PTPRD: variants seen among roughly 807,000 people sequenced by gnomAD.
PTPRD encodes protein tyrosine phosphatase receptor type D, also known as receptor-type tyrosine-protein phosphatase delta.
In PTPRD, 34 loss-of-function variants were observed where a neutral mutation model predicts 214.5. That is an observed-to-expected ratio of 0.16 (90% CI 0.12 to 0.21). The LOEUF (loss-of-function observed/expected upper bound fraction) is 0.21, where lower values mean the gene tolerates loss of function less well. Ranked by LOEUF, PTPRD falls within the 10% of genes least tolerant of loss-of-function variation. PTPRD has a pLI of 1.00. For synonymous variants in PTPRD, 1,128 were observed against 845.7 expected, an observed-to-expected ratio of 1.33 and a Z score of -5.79; for missense variants, 2,545 against 2,398.7, an observed-to-expected ratio of 1.06 and a Z score of -1.27.
intron 3 of PTPRD, among the ~76,000 whole-genome samples, chr9:10,292,032 C>T (rs2095541720): frequency 6.6e-6 from 1 of 151,904 alleles, no homozygotes. Flanking sequence ...AGAGTAAGCT[C>T]TCCATTATTT....
chr9:10,247,772 T>C (rs1395878710), intron 3 of PTPRD, among the ~76,000 whole-genome samples: 1 of 152,042 alleles, frequency 6.6e-6, no homozygotes, highest in African/African-American at 2.4e-5. Context: ...ATAAGAGGAT[T>C]ATGTCCCTGA....
chr9:8,990,162 C>T (rs566673975), intron 11 of PTPRD, among the ~76,000 whole-genome samples: 12 of 152,036 alleles, frequency 7.9e-5, no homozygotes, highest in Non-Finnish European at 1.2e-4. Context: ...ACTAAGAGTA[C>T]AAGTTTACAT....
chr9:10,077,528 T>C (rs2098152459), intron 3 of PTPRD, among the ~76,000 whole-genome samples: 3 of 152,178 alleles, frequency 2.0e-5, no homozygotes, highest in Admixed American at 6.6e-5. Context: ...GAGGTATATG[T>C]GCAGGTTTAT....
intron 5 of PTPRD, among the ~76,000 whole-genome samples, chr9:9,802,078 T>C (rs903495726): frequency 7.9e-5 from 12 of 152,068 alleles, no homozygotes; most frequent in African/African-American, 2.2e-4. Context: ...AATTGCTTAA[T>C]TGCGACTCAA....
intron 35 of PTPRD, among the ~76,000 whole-genome samples, chr9:8,433,501 A>C (rs2095193380): frequency 6.6e-6 from 1 of 152,190 alleles, no homozygotes; most frequent in South Asian, 2.1e-4. Context: ...CCAGGCTGTC[A>C]CCCTGAAGAC....
chr9:10,374,135 C>G (rs1308745361), intron 2 of PTPRD, among the ~76,000 whole-genome samples: 1 of 151,976 alleles, frequency 6.6e-6, no homozygotes, highest in Non-Finnish European at 1.5e-5. Context: ...TTTTGAGGGT[C>G]CTCTTTGCAA....
intron 3 of PTPRD, among the ~76,000 whole-genome samples, chr9:10,235,516 G>A (rs1396124120): frequency 6.6e-6 from 1 of 151,964 alleles, no homozygotes. Context: ...ATTGTGGACA[G>A]ATTTAAATTA....
chr9:10,459,620 G>A (rs553657414), intron 2 of PTPRD, among the ~76,000 whole-genome samples: 225 of 151,126 alleles, frequency 1.5e-3, no homozygotes, highest in Non-Finnish European at 2.7e-3. Context: ...GTATCTCACT[G>A]TGGTTTTGAT....
chr9:9,113,727 G>A (rs1378563425), intron 10 of PTPRD, among the ~76,000 whole-genome samples: 1 of 152,108 alleles, frequency 6.6e-6, no homozygotes, highest in Admixed American at 6.6e-5. Context: ...TCTTACTAGT[G>A]CTGCCAGGGT....
At chr9:8,339,701 T>C (rs886620533) in intron 42 of PTPRD, among the ~76,000 whole-genome samples, 2 of 152,060 alleles carry the variant, frequency 1.3e-5, no homozygotes, top group African/African-American at 2.4e-5. Context: ...AAAGAAAATA[T>C]CTGAAGCAAA....
At chr9:9,562,695 A>G (rs909948015) in intron 8 of PTPRD, among the ~76,000 whole-genome samples, 7 of 152,122 alleles carry the variant, frequency 4.6e-5, no homozygotes, top group Admixed American at 3.9e-4. Flanking sequence ...TTAGTTCCTG[A>G]GCAAATTTGC....
At chr9:9,040,384 C>T (rs987237230) in intron 10 of PTPRD, among the ~76,000 whole-genome samples, 2 of 152,166 alleles carry the variant, frequency 1.3e-5, no homozygotes, top group Non-Finnish European at 2.9e-5. Context: ...CCAAGGTGTA[C>T]TGTTGTTCTT....
chr9:8,358,716 T>C (rs2077579824), intron 39 of PTPRD, among the ~76,000 whole-genome samples: 1 of 152,174 alleles, frequency 6.6e-6, no homozygotes, highest in Admixed American at 6.5e-5. Flanking sequence ...AGAGTAGATA[T>C]GCAACCTTCC....
intron 9 of PTPRD, among the ~76,000 whole-genome samples, chr9:9,346,277 A>T (rs2048765174): frequency 6.6e-6 from 1 of 152,200 alleles, no homozygotes; most frequent in South Asian, 2.1e-4. Context: ...AAAACTGTAC[A>T]GCAAACACAA....
intron 3 of PTPRD, among the ~76,000 whole-genome samples, chr9:10,083,525 AAC>A (rs1319001016): frequency 3.9e-5 from 6 of 152,040 alleles, no homozygotes; most frequent in Non-Finnish European, 7.4e-5. Context: ...ATGTCTATAA[AAC>A]ACATTTTAAT....
chr9:9,319,243 T>G (rs903683581), intron 9 of PTPRD, among the ~76,000 whole-genome samples: 2 of 152,226 alleles, frequency 1.3e-5, no homozygotes, highest in African/African-American at 4.8e-5. Context: ...ATTGTGCTTT[T>G]GCTTTGCTTG....
chr9:9,321,556 G>GAAAAAAAAA (rs3048028), intron 9 of PTPRD, among the ~76,000 whole-genome samples: 3 of 138,506 alleles, frequency 2.2e-5, no homozygotes, highest in South Asian at 2.3e-4. Context: ...ACTCCACTGA[G>GAAAAAAAAA]AAAAAAAAAA....
chr9:10,574,652 C>A (rs1265193589), intron 2 of PTPRD, among the ~76,000 whole-genome samples: 1 of 151,776 alleles, frequency 6.6e-6, no homozygotes, highest in Non-Finnish European at 1.5e-5. Flanking sequence ...GTTTTCATAG[C>A]AAATTTGAGA....
intron 11 of PTPRD, among the ~76,000 whole-genome samples, chr9:8,966,588 CT>C (rs750252595): frequency 8.5e-4 from 130 of 152,062 alleles, no homozygotes; most frequent in Non-Finnish European, 1.6e-3. Context: ...CCCCTATATA[CT>C]ATATACAAAA....
Sources: allele counts gnomAD v4.1 joint callset (sites outside exome capture counted in the v4.1 genomes callset), GRCh38; gene constraint gnomAD v4.1.1; transcripts MANE v1.5; gene names NCBI Gene and HGNC (gene_info 2026-07-23, HGNC 2026-07-21).